The following RIPOR3 variants were observed in gnomAD, a reference collection of about 807,000 sequenced individuals.
RIPOR3 encodes the protein family with sequence similarity 65 member C.
In RIPOR3, 95 loss-of-function variants were observed where a neutral mutation model predicts 114.3. The observed-to-expected ratio is 0.83, with a 90% CI of 0.70 to 0.99. The LOEUF (loss-of-function observed/expected upper bound fraction) is 0.99, where lower values mean the gene tolerates loss of function less well. Among genes scored for constraint, RIPOR3 ranks in the 50% least tolerant of loss-of-function variants. The pLI is 0.00. For missense variants in RIPOR3, 1,252 were observed against 1,266.9 expected, an observed-to-expected ratio of 0.99 and a Z score of 0.18; for synonymous variants, 575 against 543.8, an observed-to-expected ratio of 1.06 and a Z score of -0.80.
chr20:50,690,767 A>AG (rs984484892), intron 1 of RIPOR3, among the ~76,000 whole-genome samples: 1 of 152,130 alleles, frequency 6.6e-6, no homozygotes, highest in African/African-American at 2.4e-5. Flanking sequence ...CTTACCCTGC[A>AG]GGGGGCTTAC....
At chr20:50,646,646 G>A (rs1192372819) in intron 1 of RIPOR3, among the ~76,000 whole-genome samples, 2 of 152,126 alleles carry the variant, frequency 1.3e-5, no homozygotes, top group Admixed American at 1.3e-4. Context: ...CACACAAAAG[G>A]AACAGGGGCT....
At chr20:50,592,648 TC>T in intron 18 of RIPOR3, 102 bp from the exon 19 acceptor site, 1 of 1,091,842 alleles carries the variant, frequency 9.2e-7, no homozygotes. Flanking sequence ...GAGGAACAAA[TC>T]CCAGACCCAC....
chr20:50,682,693 A>G (rs1236552531), intron 1 of RIPOR3, among the ~76,000 whole-genome samples: 1 of 151,532 alleles, frequency 6.6e-6, no homozygotes, highest in East Asian at 1.9e-4. Flanking sequence ...AGTAAAAGTA[A>G]ATGATATATT....
chr20:50,664,685 A>G (rs981091701), intron 1 of RIPOR3, among the ~76,000 whole-genome samples: 1 of 152,144 alleles, frequency 6.6e-6, no homozygotes, highest in Non-Finnish European at 1.5e-5. Context: ...TCAGGTTCCA[A>G]CGCCAAGGTG....
intron 1 of RIPOR3, among the ~76,000 whole-genome samples, chr20:50,689,144 G>A (rs969469016): frequency 1.3e-5 from 2 of 151,260 alleles, no homozygotes; most frequent in African/African-American, 2.4e-5. Context: ...TAGGGAAGTG[G>A]TGGGGAGATT....
chr20:50,615,778 C>T (rs535296983), intron 4 of RIPOR3, among the ~76,000 whole-genome samples: 14 of 152,210 alleles, frequency 9.2e-5, no homozygotes, highest in African/African-American at 3.1e-4. Flanking sequence ...CCCACCTTAG[C>T]ATTACTTCTA....
intron 15 of RIPOR3, 42 bp downstream of exon 15, chr20:50,596,098 C>A (rs117579288): frequency 0.015 from 24,143 of 1,612,962 alleles, 221 homozygotes; most frequent in East Asian, 0.038. Flanking sequence ...GGACTCCAAA[C>A]CCCTGTCTGC....
chr20:50,654,042 T>C (rs1456319963), intron 1 of RIPOR3: 1 of 152,208 alleles, frequency 6.6e-6, no homozygotes, highest in Non-Finnish European at 1.5e-5. Context: ...CTCTTCCTGC[T>C]TTATTTTTCT....
chr20:50,667,325 G>T (rs1354369288), intron 1 of RIPOR3, among the ~76,000 whole-genome samples: 1 of 115,948 alleles, frequency 8.6e-6, no homozygotes, highest in South Asian at 2.6e-4. Context: ...AGGGAGTCTC[G>T]CTCTGTTACC....
intron 11 of RIPOR3, 111 bp from the exon 12 acceptor site, chr20:50,604,885 A>G (rs2083648852): frequency 1.6e-6 from 2 of 1,279,126 alleles, no homozygotes; most frequent in East Asian, 2.6e-5. Flanking sequence ...TCATCTTACA[A>G]TACAATAGCA....
intron 1 of RIPOR3, among the ~76,000 whole-genome samples, chr20:50,642,558 A>T (rs908945915): frequency 5.9e-5 from 9 of 151,864 alleles, no homozygotes; most frequent in Admixed American, 6.6e-5. Context: ...CTTCCCAGCC[A>T]GGCTGCAAAG....
At chr20:50,599,983 C>T (rs1214015242) in intron 13 of RIPOR3, among the ~76,000 whole-genome samples, 5 of 152,050 alleles carry the variant, frequency 3.3e-5, no homozygotes, top group South Asian at 4.1e-4. Context: ...TCACTGTAAC[C>T]TCCGCCTCCC....
rs752977140 is a variant in RIPOR3, at chr20:50,594,585, ACT to A, written c.2178_2179del (p.Arg726SerfsTer54). On this transcript the variant is annotated frameshift_variant, in exon 17 of 22. Transcript: ENST00000327979. LOFTEE classifies it high-confidence loss of function. Reference sequence around the variant, plus strand: ...CAGCTGTCCTGGGTACTTCCCTCTGACTCTGTGCTGGAAGGTTTTCTTGAGCT... The same window carrying A: ...CAGCTGTCCTGGGTACTTCCCTCTGACTGTGCTGGAAGGTTTTCTTGAGCT... The A allele has an allele frequency of 6.8e-6, 11 of 1,613,698 alleles. No homozygotes were observed. Among genetic ancestry groups the A allele is most frequent in the Non-Finnish European group, 9.3e-6 (11 of 1,179,962 alleles).
At chr20:50,684,072 C>T (rs981456261) in intron 1 of RIPOR3, among the ~76,000 whole-genome samples, 2 of 151,614 alleles carry the variant, frequency 1.3e-5, no homozygotes, top group African/African-American at 4.8e-5. Flanking sequence ...CAGTGTGAGG[C>T]TCCATCTCAA....
In RIPOR3 at chr20:50,612,678, G is replaced by A. The variant is rs536017279; in HGVS notation, c.349-1474C>T. On this transcript the variant is annotated intron_variant, in intron 4 of 21. Coordinates refer to ENST00000327979, the MANE Select transcript of RIPOR3 (RefSeq NM_001290268.2). ...AAAAGATTGTTCTCAAGGGTTAAAC[G>A]GGATGGGACACGGAAGATTGAATAG... Among the ~76,000 whole-genome samples, 94 of 152,158 alleles carry A rather than the reference G, an allele frequency of 6.2e-4. 1 individual carries two copies. The highest frequency in any genetic ancestry group is 1.9e-4 in the East Asian group (1 of 5,194).
intron 3 of RIPOR3, among the ~76,000 whole-genome samples, chr20:50,617,865 G>A (rs970937607): frequency 2.0e-5 from 3 of 151,780 alleles, no homozygotes; most frequent in African/African-American, 7.2e-5. Flanking sequence ...TTCGTGATCC[G>A]CCTGCCTCCG....
At chr20:50,589,596 C>T in intron 20 of RIPOR3, 90 bp downstream of exon 20, 1 of 1,362,124 alleles carries the variant, frequency 7.3e-7, no homozygotes, top group Non-Finnish European at 1.0e-6. Flanking sequence ...ACGCCCAGCC[C>T]CAGTGGAATC....
At position 50,602,273 on chromosome 20, in the gene RIPOR3, G is replaced by C. The variant is rs149659268; in HGVS notation, c.1458C>G (p.Gly486=). 118 of 1,613,914 alleles carry C rather than the reference G, an allele frequency of 7.3e-5. No homozygotes were observed. The highest frequency in any genetic ancestry group is 9.2e-5 in the Non-Finnish European group (108 of 1,179,978). ...LGGESPSLPQ[G]SLFHSGTASS... is the part of the protein sequence containing the mutation. ...AGGCTGTGCCGCTGTGGAACAGGGAGCCCTGTGGCAGGCTGGGGCTCTCCC... is the reference window on the plus strand; with the variant it reads ...AGGCTGTGCCGCTGTGGAACAGGGACCCCTGTGGCAGGCTGGGGCTCTCCC... The change falls in exon 13 of 22, where the codon GGC becomes GGG. Residue 486 remains glycine (G), a synonymous_variant. Coordinates refer to ENST00000327979, the MANE Select transcript of RIPOR3 (RefSeq NM_001290268.2). This position sits in a 1 kb window ranked among gnomAD's most constrained non-coding sequence, Gnocchi z 4.3.
intron 13 of RIPOR3, among the ~76,000 whole-genome samples, chr20:50,600,487 G>T (rs76130848): frequency 6.6e-6 from 1 of 152,276 alleles, no homozygotes; most frequent in East Asian, 1.9e-4. Context: ...GTACAGGCAC[G>T]ATGGCTCACG....
Sources: allele counts gnomAD v4.1 joint callset (sites outside exome capture counted in the v4.1 genomes callset), GRCh38; gene constraint gnomAD v4.1.1; non-coding constraint Gnocchi (gnomAD v3.1); transcripts MANE v1.5; gene names NCBI Gene and HGNC (gene_info 2026-07-23, HGNC 2026-07-21).